Variants in DENND1B observed in about 807,000 individuals in gnomAD.
The protein encoded by DENND1B is DENN domain containing 1B.
In DENND1B, 59 loss-of-function variants were observed where a neutral mutation model predicts 90.1. The observed-to-expected ratio is 0.65, with a 90% CI of 0.53 to 0.81. The LOEUF (loss-of-function observed/expected upper bound fraction) is 0.81. DENND1B is among the 40% of genes least tolerant of loss of function. The pLI is 0.00. For missense variants in DENND1B, 862 were observed against 912.6 expected, an observed-to-expected ratio of 0.94 and a Z score of 0.71; for synonymous variants, 337 against 324.6, an observed-to-expected ratio of 1.04 and a Z score of -0.41.
intron 13 of DENND1B, among the ~76,000 whole-genome samples, 187 bp from the exon 14 acceptor site, chr1:197,595,520 G>A (rs1675606997): frequency 6.6e-6 from 1 of 152,066 alleles, no homozygotes; most frequent in Admixed American, 6.6e-5. Context: ...AGCAGGAGAG[G>A]AGAGTAACGT....
chr1:197,600,939 A>C (rs1360090254), intron 13 of DENND1B, among the ~76,000 whole-genome samples: 1 of 151,584 alleles, frequency 6.6e-6, no homozygotes, highest in Non-Finnish European at 1.5e-5. Context: ...GAATTTATGC[A>C]CTACCACATA....
intron 10 of DENND1B, among the ~76,000 whole-genome samples, chr1:197,627,573 T>C (rs1382259472): frequency 4.6e-5 from 7 of 152,040 alleles, no homozygotes; most frequent in Admixed American, 2.0e-4. Context: ...GCCAATATCA[T>C]ACTGAATGGG....
intron 20 of DENND1B, among the ~76,000 whole-genome samples, chr1:197,529,330 ATATG>A (rs1433232839): frequency 9.4e-5 from 14 of 148,506 alleles, no homozygotes; most frequent in African/African-American, 2.8e-4. Flanking sequence ...GTGTGTATAT[ATATG>A]TGTGTGTGTG....
intron 13 of DENND1B, among the ~76,000 whole-genome samples, chr1:197,601,295 A>G (rs1304394027): frequency 6.6e-6 from 1 of 151,722 alleles, no homozygotes; most frequent in African/African-American, 2.4e-5. Context: ...TTCTACATTT[A>G]TTCCTCCAGT....
chr1:197,512,877 G>C lies in DENND1B; in HGVS notation c.1592C>G (p.Ala531Gly). 4 of 1,609,896 alleles carry C rather than the reference G, an allele frequency of 2.5e-6. No homozygotes were observed. The highest frequency in any genetic ancestry group is 3.4e-6 in the Non-Finnish European group (4 of 1,177,728). Residue 531 changes from alanine to glycine, a missense_variant, in exon 21 of 23, where the codon GCA becomes GGA. By Grantham distance (60) the Ala-to-Gly change is moderately conservative. Transcript: ENST00000620048. The stretch of plus-strand genomic sequence containing the variant: ...ACCAAAATCCATTACTTACTTGCTT[G>C]CTCTTTCAATGTCATCATCATCTTC... The part of the protein sequence containing the change: ...DDEDDDDIER[A>G]SKLSSEDGEE...
At position 197,645,724 on chromosome 1, in the gene DENND1B, G is replaced by A; in HGVS notation, c.527C>T (p.Pro176Leu). The change falls in exon 9 of 23, where the codon CCT (proline) becomes CTT (leucine). Residue 176 changes from proline to leucine, a missense_variant. Transcript: ENST00000620048. ...TATTGTTGGGAGTCCAGTTACATCAGGGGCAATGAAGTAGGAATGCTAATC... is the reference window on the plus strand; with the variant it reads ...TATTGTTGGGAGTCCAGTTACATCAAGGGCAATGAAGTAGGAATGCTAATC... ...ALVPHSYFIA[P>L]DVTGLPTIPE... The A allele has an allele frequency of 6.4e-7, 1 of 1,572,580 alleles. No homozygotes were observed. Among genetic ancestry groups the A allele is most frequent in the Non-Finnish European group, 8.6e-7 (1 of 1,159,612 alleles).
chr1:197,633,572 G>C (rs1267654740), intron 10 of DENND1B, among the ~76,000 whole-genome samples: 2 of 152,106 alleles, frequency 1.3e-5, no homozygotes, highest in Non-Finnish European at 2.9e-5. Context: ...ATCTTCCCTA[G>C]GGCCCATTTC....
chr1:197,653,039 A>C (rs2125938515), intron 6 of DENND1B, among the ~76,000 whole-genome samples: 1 of 152,076 alleles, frequency 6.6e-6, no homozygotes, highest in East Asian at 1.9e-4. Flanking sequence ...TGTTCAGAGA[A>C]GTTAGCAATT....
intron 20 of DENND1B, among the ~76,000 whole-genome samples, chr1:197,536,432 TG>T (rs1269665621): frequency 9.2e-5 from 14 of 152,312 alleles, no homozygotes; most frequent in Admixed American, 8.5e-4. Context: ...GTACCCGCTC[TG>T]CTTTTATAAA....
At chr1:197,559,876 A>G (rs1009401254) in intron 15 of DENND1B, among the ~76,000 whole-genome samples, 1 of 152,012 alleles carries the variant, frequency 6.6e-6, no homozygotes, top group Non-Finnish European at 1.5e-5. Flanking sequence ...CTATATATAA[A>G]CACAAACTGC....
chr1:197,637,731 C>T (rs1295804084), intron 10 of DENND1B, among the ~76,000 whole-genome samples: 4 of 152,100 alleles, frequency 2.6e-5, no homozygotes, highest in Non-Finnish European at 5.9e-5. Flanking sequence ...TGGTTGCTTA[C>T]GGGTTTGGGG....
At chr1:197,676,707 A>G (rs1656114780) in intron 3 of DENND1B, among the ~76,000 whole-genome samples, 1 of 152,218 alleles carries the variant, frequency 6.6e-6, no homozygotes, top group Admixed American at 6.5e-5. Context: ...AATTATGAAC[A>G]GCAAAATGAA....
At chr1:197,682,490 T>C (rs1311291437) in intron 3 of DENND1B, among the ~76,000 whole-genome samples, 1 of 152,212 alleles carries the variant, frequency 6.6e-6, no homozygotes, top group Non-Finnish European at 1.5e-5. Context: ...TTATGTATAT[T>C]CACTTTGCAA....
At chr1:197,601,947 C>T (rs1676251277) in intron 13 of DENND1B, among the ~76,000 whole-genome samples, 1 of 151,444 alleles carries the variant, frequency 6.6e-6, no homozygotes, top group African/African-American at 2.4e-5. Context: ...AAAAAAACTA[C>T]TTTGTAAATA....
At chr1:197,653,414 G>GT in intron 6 of DENND1B, among the ~76,000 whole-genome samples, 1 of 152,088 alleles carries the variant, frequency 6.6e-6, no homozygotes, top group South Asian at 2.1e-4. Flanking sequence ...TTGATATTCT[G>GT]TTTATACAAA....
intron 2 of DENND1B, among the ~76,000 whole-genome samples, chr1:197,745,637 T>A: frequency 6.8e-6 from 1 of 146,078 alleles, no homozygotes; most frequent in South Asian, 2.1e-4. Context: ...TATATATATA[T>A]ATAATATATA....
At chr1:197,658,222 C>T (rs1178844184) in intron 6 of DENND1B, 78 bp downstream of exon 6, 1 of 1,182,822 alleles carries the variant, frequency 8.5e-7, no homozygotes, top group African/African-American at 1.5e-5. Flanking sequence ...AAACTATACA[C>T]TTAAAAATGG....
chr1:197,738,878 T>G (rs896923812), intron 2 of DENND1B, among the ~76,000 whole-genome samples: 7 of 152,196 alleles, frequency 4.6e-5, no homozygotes, highest in Non-Finnish European at 1.0e-4. Context: ...ATCTGGAGTT[T>G]CCAGGATGTG....
chr1:197,740,598 T>C (rs1663125059), intron 2 of DENND1B, among the ~76,000 whole-genome samples: 2 of 152,316 alleles, frequency 1.3e-5, no homozygotes, highest in African/African-American at 4.8e-5. Flanking sequence ...GAGTTGATAA[T>C]GTAGTTGAAG....
Sources: gnomAD v4.1 joint callset for allele counts (sites outside exome capture counted in the v4.1 genomes callset) on GRCh38, gnomAD v4.1.1 for gene constraint, MANE v1.5 for transcripts, NCBI Gene and HGNC (gene_info 2026-07-23, HGNC 2026-07-21) for gene names.